The following MAPK8IP3 variants were observed in gnomAD, a reference collection of about 807,000 sequenced individuals.
The protein encoded by MAPK8IP3 is mitogen-activated protein kinase 8 interacting protein 3, also known as C-Jun-amino-terminal kinase-interacting protein 3.
In MAPK8IP3, 49 loss-of-function variants were observed where a neutral mutation model predicts 157.8. The ratio of observed to expected loss-of-function variants is 0.31; its 90% CI spans 0.25 to 0.39. The LOEUF is 0.39. MAPK8IP3 is among the 10% of genes least tolerant of loss of function. The probability of loss-of-function intolerance (pLI) is 1.00; values close to 1 mark genes in which losing one functional copy is unlikely to be tolerated. For synonymous variants in MAPK8IP3, 897 were observed against 777.7 expected (o/e 1.15, Z -2.55); for missense variants, 1,478 against 1,889.4 (o/e 0.78, Z 4.04).
chr16:1,759,715 G>A (rs529122934), intron 10 of MAPK8IP3, among the ~76,000 whole-genome samples: 17 of 152,318 alleles, frequency 1.1e-4, no homozygotes, highest in Non-Finnish European at 1.5e-4. Flanking sequence ...GCCTGCGTCC[G>A]GCCAGCTGGC....
chr16:1,766,061 G>T lies in MAPK8IP3; in HGVS notation c.2548G>T (p.Val850Leu). 6.2e-7 allele frequency: 1 copy of T among 1,612,808 alleles called. No homozygotes were observed. The highest frequency in any genetic ancestry group is 8.5e-7 in the Non-Finnish European group (1 of 1,179,938). The change falls in exon 21 of 32, where the codon GTG becomes TTG. Residue 850 changes from valine to leucine, a missense_variant. By Grantham distance (32) the Val-to-Leu change is conservative. Transcript: ENST00000610761. ...ADGVLAGITL[V>L]GCATRCNVPR... ...TGGCGTGCTGGCCGGTATCACCCTG[G>T]TGGGCTGTGCCACCCGCTGCAACGT...
At chr16:1,737,323 TGTGAGCATCCGTGTGAGCGTGACCGTCC>T in intron 4 of MAPK8IP3, among the ~76,000 whole-genome samples, 1 of 99,014 alleles carries the variant, frequency 1.0e-5, no homozygotes, top group Admixed American at 9.9e-5. Context: ...TGACCGTCCG[TGTGAGCATCCGTGTGAGCGTGACCGTCC>T]GTGAGTGTGT....
intron 1 of MAPK8IP3, among the ~76,000 whole-genome samples, chr16:1,720,926 T>C (rs1469192465): frequency 1.3e-5 from 2 of 150,770 alleles, no homozygotes; most frequent in African/African-American, 4.9e-5. Flanking sequence ...CCCAGCTACT[T>C]GGGAGGCTGA....
Position 1,758,095 on chromosome 16 carries a change from T to G in MAPK8IP3, c.1217-53T>G, listed in dbSNP as rs371927311. The G allele has an allele frequency of 6.9e-5, 110 of 1,601,438 alleles. 1 individual carries two copies. The African/African-American group carries it at 1.4e-3, about 21-fold the overall frequency. ...TGTATTGTTAGTTCCAGTCCCTAATTGACCTTTGTCCCTTCCTTCCCCTGC... is the reference window on the plus strand; with the variant it reads ...TGTATTGTTAGTTCCAGTCCCTAATGGACCTTTGTCCCTTCCTTCCCCTGC... On this transcript the variant is annotated intron_variant, in intron 8 of 31. Coordinates refer to ENST00000610761, the MANE Select transcript of MAPK8IP3 (RefSeq NM_001318852.2).
chr16:1,729,262 T>A, intron 3 of MAPK8IP3, 54 bp downstream of exon 3: 1 of 1,575,722 alleles, frequency 6.3e-7, no homozygotes, highest in Non-Finnish European at 8.7e-7. Context: ...GGCCGCGGCC[T>A]GACGCCTGCG....
At chr16:1,716,283 C>T (rs1042622699) in intron 1 of MAPK8IP3, among the ~76,000 whole-genome samples, 1 of 150,560 alleles carries the variant, frequency 6.6e-6, no homozygotes, top group Non-Finnish European at 1.5e-5. Flanking sequence ...ACTAGATTTT[C>T]GAAGACCCTA....
At chr16:1,756,250 C>T (rs1321187279) in intron 8 of MAPK8IP3, among the ~76,000 whole-genome samples, 2 of 152,102 alleles carry the variant, frequency 1.3e-5, no homozygotes, top group Non-Finnish European at 2.9e-5. Context: ...TGAAAGCAAC[C>T]AGGCCAGGGG....
intron 4 of MAPK8IP3, among the ~76,000 whole-genome samples, chr16:1,740,457 C>T (rs2141837349): frequency 7.6e-6 from 1 of 132,084 alleles, no homozygotes; most frequent in Non-Finnish European, 1.6e-5. Context: ...TCCTTATCGT[C>T]ACATGCTGAC....
At chr16:1,758,790 A>G (rs1333947110) in intron 9 of MAPK8IP3, among the ~76,000 whole-genome samples, 188 bp from the exon 10 acceptor site, 4 of 152,188 alleles carry the variant, frequency 2.6e-5, no homozygotes, top group African/African-American at 9.6e-5. Context: ...TCCAGAAGGA[A>G]TAGCTGGCTC....
intron 4 of MAPK8IP3, among the ~76,000 whole-genome samples, chr16:1,731,712 T>G (rs1415755871): frequency 6.6e-6 from 1 of 152,224 alleles, no homozygotes; most frequent in Non-Finnish European, 1.5e-5. Context: ...AACCTCCTTT[T>G]CGTTTTTGTA....
intron 2 of MAPK8IP3, among the ~76,000 whole-genome samples, chr16:1,727,726 C>T (rs1257979815): frequency 1.3e-4 from 20 of 152,206 alleles, no homozygotes; most frequent in Non-Finnish European, 2.4e-4. Context: ...CTATGCTGCT[C>T]CTCGGGGTGA....
chr16:1,764,011 A>T, intron 17 of MAPK8IP3, 104 bp from the exon 18 acceptor site: 1 of 1,224,394 alleles, frequency 8.2e-7, no homozygotes, highest in Non-Finnish European at 1.1e-6. Flanking sequence ...CCAGTCTTGA[A>T]GTGGCTGTGC....
rs773611427 is a variant in MAPK8IP3 at position 1,743,987 on chromosome 16, C to T, written c.747+511C>T. 2.0e-6 allele frequency: 2 copies of T among 997,264 alleles called. No homozygotes were observed. Among genetic ancestry groups the T allele is most frequent in the Non-Finnish European group, 1.2e-6 (1 of 838,156 alleles). The allele number at this position is 997,264 out of a possible 1,614,324, so 61.8% of individuals were successfully genotyped here. A position where few individuals can be genotyped will look rare whatever the true frequency, so the allele number is the denominator to read the frequency against. ...GCCCCTCCCTGCCTGTCCCTGGTAACGCCTCCTGGGTCCTGAGTTTGAGAA... is the reference window on the plus strand; with the variant it reads ...GCCCCTCCCTGCCTGTCCCTGGTAATGCCTCCTGGGTCCTGAGTTTGAGAA... On this transcript the variant is annotated intron_variant, in intron 5 of 31. Transcript: ENST00000610761. This position sits in a 1 kb window ranked among gnomAD's most constrained non-coding sequence, Gnocchi z 5.6.
chr16:1,706,690 G>C lies in MAPK8IP3; in HGVS notation c.318+33G>C, dbSNP rs1474627439. On this transcript the variant is annotated intron_variant, in intron 1 of 31. Transcript: ENST00000610761. This position sits in a 1 kb window ranked among gnomAD's most constrained non-coding sequence, Gnocchi z 5.1. ...GGCCGCGGGACCCGCCCGCATCCCC[G>C]TCCCGGACCCCCAGCCAGCCCCGGG... The C allele has an allele frequency of 6.6e-7, 1 of 1,506,780 alleles. No homozygotes were observed. Among genetic ancestry groups the C allele is most frequent in the Non-Finnish European group, 8.9e-7 (1 of 1,128,598 alleles). 93.3% of individuals were successfully genotyped at this position (1,506,780 alleles called of 1,614,324 possible).
intron 6 of MAPK8IP3, among the ~76,000 whole-genome samples, chr16:1,748,042 C>A (rs1456484832): frequency 6.6e-6 from 1 of 152,314 alleles, no homozygotes; most frequent in East Asian, 1.9e-4. Context: ...ACCCACCCCG[C>A]TCCAGGCCCC....
intron 1 of MAPK8IP3, among the ~76,000 whole-genome samples, chr16:1,716,670 T>C (rs2038170407): frequency 6.6e-6 from 1 of 151,752 alleles, no homozygotes. Context: ...TCCCAGCACT[T>C]TGGGAGGCTG....
At chr16:1,717,883 G>C (rs1420588696) in intron 1 of MAPK8IP3, among the ~76,000 whole-genome samples, 1 of 150,036 alleles carries the variant, frequency 6.7e-6, no homozygotes, top group Non-Finnish European at 1.5e-5. Flanking sequence ...ATGGAGTCTC[G>C]CTCTATCGCC....
Position 1,747,057 on chromosome 16 carries a change from G to T in MAPK8IP3, c.776G>T (p.Gly259Val). 1 of 1,613,600 alleles carries T rather than the reference G, an allele frequency of 6.2e-7. No individual in the cohort carries two copies. ...CCACAGGATGAAATGTCCGAGTCAGGCCAGTCCTCGGCGGCCGCCACACCC... is the reference window on the plus strand; with the variant it reads ...CCACAGGATGAAATGTCCGAGTCAGTCCAGTCCTCGGCGGCCGCCACACCC... ...QCPQDEMSES[G>V]QSSAAATPST... The change falls in exon 6 of 32, where the codon GGC becomes GTC. Residue 259 changes from glycine (G) to valine (V), a missense_variant. By Grantham distance (109) the Gly-to-Val change is moderately radical. This residue lies in a region of MAPK8IP3 where 315 missense variants were observed against 394.4 expected (regional missense o/e 0.80). Coordinates refer to ENST00000610761, the MANE Select transcript of MAPK8IP3 (RefSeq NM_001318852.2).
intron 4 of MAPK8IP3, among the ~76,000 whole-genome samples, chr16:1,730,720 G>A (rs1354089376): frequency 1.3e-5 from 2 of 152,068 alleles, no homozygotes; most frequent in Non-Finnish European, 2.9e-5. Context: ...GCGGGCGCCT[G>A]TAGTTCCAGC....
Sources: allele counts gnomAD v4.1 joint callset (sites outside exome capture counted in the v4.1 genomes callset), GRCh38; gene constraint gnomAD v4.1.1; regional missense constraint gnomAD v4.1.1; non-coding constraint Gnocchi (gnomAD v3.1); transcripts MANE v1.5; gene names NCBI Gene and HGNC (gene_info 2026-07-23, HGNC 2026-07-21).